The following GALNT7 variants were observed in gnomAD, a reference collection of about 807,000 sequenced individuals.
GALNT7 encodes N-acetylgalactosaminyltransferase 7.
GALNT7 carries 60 observed loss-of-function variants against 82.1 expected under a neutral mutation model. That is an observed-to-expected ratio of 0.73 (90% CI 0.59 to 0.91). GALNT7 has a LOEUF of 0.91. GALNT7 is among the 40% of genes least tolerant of loss of function. The pLI, the probability that GALNT7 is intolerant of heterozygous loss-of-function variation, is 0.00. For synonymous variants in GALNT7, 243 were observed against 275.1 expected (o/e 0.88, Z 1.15); for missense variants, 660 against 804.2 (o/e 0.82, Z 2.17).
chr4:173,170,104 C>A (rs976887378), intron 1 of GALNT7, among the ~76,000 whole-genome samples: 4 of 152,170 alleles, frequency 2.6e-5, no homozygotes, highest in African/African-American at 9.6e-5. Flanking sequence ...GCGGCGCGCA[C>A]CGGCCTCGCC....
chr4:173,190,258 A>G (rs968190811), intron 1 of GALNT7, among the ~76,000 whole-genome samples: 2 of 152,180 alleles, frequency 1.3e-5, no homozygotes, highest in African/African-American at 4.8e-5. Flanking sequence ...AGCAGTAGGA[A>G]GGAAGGAAAC....
chr4:173,291,794 GAAAAA>G (rs769433577), intron 2 of GALNT7, among the ~76,000 whole-genome samples: 1 of 101,810 alleles, frequency 9.8e-6, no homozygotes, highest in Non-Finnish European at 2.2e-5. Context: ...TCCAGGTCAT[GAAAAA>G]AAAAAAAAAA....
At chr4:173,244,503 C>G (rs1734545317) in intron 1 of GALNT7, among the ~76,000 whole-genome samples, 1 of 125,006 alleles carries the variant, frequency 8.0e-6, no homozygotes, top group East Asian at 2.3e-4. Context: ...GATCCTGAGC[C>G]AGACTATTTG....
At chr4:173,232,728 C>T (rs1388631205) in intron 1 of GALNT7, among the ~76,000 whole-genome samples, 1 of 152,170 alleles carries the variant, frequency 6.6e-6, no homozygotes, top group Non-Finnish European at 1.5e-5. Context: ...GAGCTTGTAA[C>T]ATTCCTTTTC....
At chr4:173,199,800 A>T (rs1005644232) in intron 1 of GALNT7, among the ~76,000 whole-genome samples, 1 of 152,182 alleles carries the variant, frequency 6.6e-6, no homozygotes, top group Non-Finnish European at 1.5e-5. Flanking sequence ...TTGAGGTAGG[A>T]TGGAATAAAT....
chr4:173,260,286 G>A (rs1009729170), intron 2 of GALNT7, among the ~76,000 whole-genome samples: 3 of 152,166 alleles, frequency 2.0e-5, no homozygotes, highest in Admixed American at 1.3e-4. Context: ...ATTAAAGTTA[G>A]TTCTATTTGG....
At chr4:173,219,697 A>G (rs1733582681) in intron 1 of GALNT7, among the ~76,000 whole-genome samples, 1 of 152,108 alleles carries the variant, frequency 6.6e-6, no homozygotes, top group Non-Finnish European at 1.5e-5. Context: ...TTGCAGGAAT[A>G]AGGTGGTATC....
chr4:173,291,812 C>T (rs1024185417), intron 2 of GALNT7, among the ~76,000 whole-genome samples: 2 of 145,486 alleles, frequency 1.4e-5, no homozygotes, highest in African/African-American at 2.6e-5. Flanking sequence ...AAAAAAAAAG[C>T]CAACCACCTG....
intron 7 of GALNT7, among the ~76,000 whole-genome samples, chr4:173,303,679 G>T (rs1038363520): frequency 1.3e-5 from 2 of 152,184 alleles, no homozygotes; most frequent in African/African-American, 4.8e-5. Context: ...ATTAGCAATG[G>T]AAATGATTAA....
chr4:173,187,254 T>C (rs1437270037), intron 1 of GALNT7, among the ~76,000 whole-genome samples: 2 of 152,122 alleles, frequency 1.3e-5, no homozygotes, highest in African/African-American at 4.8e-5. Context: ...ATAAATAAAC[T>C]CTGTGGATTG....
At position 173,298,365 on chromosome 4, in the gene GALNT7, A is replaced by G. The variant is rs1736798939; in HGVS notation, c.1148+68A>G. 2.9e-6 allele frequency: 3 copies of G among 1,025,708 alleles called. No individual in the cohort carries two copies. The South Asian group carries it at 5.0e-5, about 17-fold the overall frequency. The allele number at this position is 1,025,708 out of a possible 1,614,324, so 63.5% of individuals were successfully genotyped here. Reference sequence around the variant, plus strand: ...CTGCTAACCTATTAACCTCTTGCCAAGCTAAAGATTCGTTATTAAAACTGT... The same window carrying G: ...CTGCTAACCTATTAACCTCTTGCCAGGCTAAAGATTCGTTATTAAAACTGT... On this transcript the variant is annotated intron_variant, in intron 6 of 11. Coordinates refer to ENST00000265000, the MANE Select transcript of GALNT7 (RefSeq NM_017423.3).
At chr4:173,178,063 G>GCGTGCGCGCGCACGCA (rs1732127043) in intron 1 of GALNT7, among the ~76,000 whole-genome samples, 2 of 138,846 alleles carry the variant, frequency 1.4e-5, no homozygotes, top group Admixed American at 7.0e-5. Flanking sequence ...GCGCGCACGC[G>GCGTGCGCGCGCACGCA]CGTGCGCACA....
chr4:173,274,435 G>A (rs961062062), intron 2 of GALNT7, among the ~76,000 whole-genome samples: 11 of 152,112 alleles, frequency 7.2e-5, no homozygotes, highest in African/African-American at 2.7e-4. Context: ...TGTTGTTTAA[G>A]CATATATTTG....
chr4:173,310,429 C>T (rs76675845), intron 8 of GALNT7, among the ~76,000 whole-genome samples: 1 of 152,168 alleles, frequency 6.6e-6, no homozygotes, highest in Non-Finnish European at 1.5e-5. Context: ...TAGTAAATAG[C>T]CTCCTACTTG....
At chr4:173,280,778 C>G (rs1736082911) in intron 2 of GALNT7, among the ~76,000 whole-genome samples, 1 of 152,148 alleles carries the variant, frequency 6.6e-6, no homozygotes, top group African/African-American at 2.4e-5. Flanking sequence ...AGGAATGATG[C>G]AGAATAGGGG....
intron 1 of GALNT7, among the ~76,000 whole-genome samples, chr4:173,215,294 G>A (rs946769185): frequency 6.9e-6 from 1 of 145,080 alleles, no homozygotes; most frequent in African/African-American, 2.6e-5. Context: ...GCAGTGGTGT[G>A]ATCTCGGCTC....
chr4:173,305,508 A>AT (rs930934525), intron 8 of GALNT7, among the ~76,000 whole-genome samples: 9 of 152,088 alleles, frequency 5.9e-5, no homozygotes, highest in African/African-American at 2.2e-4. Context: ...ATATCATGGA[A>AT]TTTTTTCTTT....
At chr4:173,286,238 G>A (rs534810604) in intron 2 of GALNT7, among the ~76,000 whole-genome samples, 188 of 152,294 alleles carry the variant, frequency 1.2e-3, no homozygotes, top group African/African-American at 4.3e-3. Flanking sequence ...TCACAATCAT[G>A]TTCAAGTTCT....
chr4:173,314,085 A>G lies in GALNT7; in HGVS notation c.1517A>G (p.Asn506Ser). The part of the protein sequence containing the change: ...SELKKFREDH[N>S]CKSFKWFMEE... Reference sequence around the variant, plus strand: ...CTGAAAAAATTTCGAGAAGATCACAACTGCAAAAGTTTTAAGTGGTTCATG... The same window carrying G: ...CTGAAAAAATTTCGAGAAGATCACAGCTGCAAAAGTTTTAAGTGGTTCATG... Residue 506 changes from asparagine to serine, a missense_variant, in exon 9 of 12, where the codon AAC becomes AGC. This residue lies in a region of GALNT7 where 527 missense variants were observed against 683.5 expected (regional missense o/e 0.77). Coordinates refer to ENST00000265000, the MANE Select transcript of GALNT7 (RefSeq NM_017423.3). 1 of 1,613,858 alleles carries G rather than the reference A, an allele frequency of 6.2e-7. No homozygotes were observed. Among genetic ancestry groups the G allele is most frequent in the Non-Finnish European group, 8.5e-7 (1 of 1,179,744 alleles).
Sources: allele counts gnomAD v4.1 joint callset (sites outside exome capture counted in the v4.1 genomes callset), GRCh38; gene constraint gnomAD v4.1.1; regional missense constraint gnomAD v4.1.1; transcripts MANE v1.5; gene names NCBI Gene and HGNC (gene_info 2026-07-23, HGNC 2026-07-21).